The following CHRNB3 variants were observed in gnomAD, a reference collection of about 807,000 sequenced individuals.
CHRNB3 encodes the protein cholinergic receptor nicotinic beta 3 subunit.
In CHRNB3, 37 loss-of-function variants were observed where a neutral mutation model predicts 40.6. The ratio of observed to expected loss-of-function variants is 0.91; its 90% CI spans 0.70 to 1.20. The LOEUF (loss-of-function observed/expected upper bound fraction) is 1.20. Ranked by LOEUF, CHRNB3 falls within the 50% of genes most tolerant of loss-of-function variation. CHRNB3 has a pLI of 0.00. For missense variants in CHRNB3, 505 were observed against 551.2 expected, an observed-to-expected ratio of 0.92 and a Z score of 0.84; for synonymous variants, 207 against 207.1, an observed-to-expected ratio of 1.00 and a Z score of 0.00.
intron 3 of CHRNB3, among the ~76,000 whole-genome samples, chr8:42,712,935 C>T (rs536440726): frequency 1.2e-4 from 17 of 145,460 alleles, no homozygotes; most frequent in East Asian, 4.1e-4. Context: ...AATCTCAGCT[C>T]GCTGCAGCCT....
intron 1 of CHRNB3, among the ~76,000 whole-genome samples, chr8:42,708,189 G>A (rs144583836): frequency 0.014 from 2,180 of 152,266 alleles, 46 homozygotes; most frequent in African/African-American, 0.048. Flanking sequence ...ATTCTGGGCC[G>A]GGCGTGGTGG....
At chr8:42,723,663 A>G (rs1184742476) in intron 3 of CHRNB3, among the ~76,000 whole-genome samples, 1 of 152,156 alleles carries the variant, frequency 6.6e-6, no homozygotes, top group Non-Finnish European at 1.5e-5. Context: ...TAGTGGCTGC[A>G]TGGATGACCC....
At chr8:42,721,297 C>T (rs1816214111) in intron 3 of CHRNB3, among the ~76,000 whole-genome samples, 1 of 152,206 alleles carries the variant, frequency 6.6e-6, no homozygotes, top group Admixed American at 6.5e-5. Flanking sequence ...CAGCTTCATG[C>T]TGGGCCCCTG....
intron 1 of CHRNB3, among the ~76,000 whole-genome samples, chr8:42,707,868 C>A (rs566379438): frequency 1.3e-5 from 2 of 152,330 alleles, no homozygotes; most frequent in African/African-American, 2.4e-5. Context: ...AAAATGAACA[C>A]CCACTATGGG....
intron 3 of CHRNB3, among the ~76,000 whole-genome samples, chr8:42,711,433 C>T (rs1031894620): frequency 5.9e-5 from 9 of 151,824 alleles, no homozygotes; most frequent in Middle Eastern, 3.4e-3. Flanking sequence ...CTCATTCTGC[C>T]GCCCAGGCTG....
At chr8:42,707,827 T>A (rs1458369278) in intron 1 of CHRNB3, among the ~76,000 whole-genome samples, 1 of 152,228 alleles carries the variant, frequency 6.6e-6, no homozygotes, top group African/African-American at 2.4e-5. Context: ...TCAGTGACCA[T>A]GTGCCGACTC....
Position 42,697,509 on chromosome 8 carries a change from A to G in CHRNB3, c.-38A>G, listed in dbSNP as rs777229831. On this transcript the variant is annotated 5_prime_UTR_variant, in exon 1 of 6. An upstream open reading frame in the 5' UTR loses its in-frame stop. Coordinates refer to ENST00000289957, the MANE Select transcript of CHRNB3 (RefSeq NM_000749.5). ...TTTCCAGTGGAAATGCTCTGTTGTT[A>G]AAAAGGAAGAAACTGTCTTTCTGAA... The G allele has an allele frequency of 3.8e-6, 6 of 1,583,644 alleles. No homozygotes were observed. Among genetic ancestry groups the G allele is most frequent in the South Asian group, 1.1e-5 (1 of 90,166 alleles).
rs371389952 is a variant in CHRNB3, at chr8:42,709,172, T to G, written c.204+304T>G. On this transcript the variant is annotated intron_variant, in intron 2 of 5. Transcript: ENST00000289957. ...ACACCCAGGGAGGAGGGCTGGGAACTGCAGAGAAGAGGGGCTGAGCCTGGG... is the reference window on the plus strand; with the variant it reads ...ACACCCAGGGAGGAGGGCTGGGAACGGCAGAGAAGAGGGGCTGAGCCTGGG... 4.6e-5 allele frequency among the ~76,000 whole-genome samples: 7 copies of G among 152,212 alleles called. No homozygotes were observed. The South Asian group carries it at 1.5e-3, about 32-fold the overall frequency.
chr8:42,736,606 T>C lies in CHRNB3; in HGVS notation c.1365T>C (p.His455=). 1.2e-6 allele frequency: 2 copies of C among 1,614,208 alleles called. No individual in the cohort carries two copies. ...CCCCTGCTTTGAAGATGTGGCTACA[T>C]AGTTACCATTAGGAATTTAAAAGAC... The part of the protein sequence containing the change: ...IFTPALKMWL[H]SYH The change falls in exon 6 of 6, where the codon CAT becomes CAC. Residue 455 remains histidine (H), a synonymous_variant. Transcript: ENST00000289957.
chr8:42,702,308 CATTT>C (rs1815821930), intron 1 of CHRNB3, among the ~76,000 whole-genome samples: 1 of 152,022 alleles, frequency 6.6e-6, no homozygotes, highest in Admixed American at 6.6e-5. Context: ...TAGAAATAAA[CATTT>C]ATTTATTTAT....
intron 1 of CHRNB3, among the ~76,000 whole-genome samples, chr8:42,700,019 CTTTT>C (rs573615558): frequency 1.4e-4 from 20 of 140,904 alleles, no homozygotes; most frequent in Non-Finnish European, 3.1e-5. Context: ...AATTTCTTTT[CTTTT>C]TTTTTTTTGA....
At chr8:42,698,658 C>T (rs2128903710) in intron 1 of CHRNB3, among the ~76,000 whole-genome samples, 1 of 152,298 alleles carries the variant, frequency 6.6e-6, no homozygotes, top group South Asian at 2.1e-4. Flanking sequence ...TTTCAAATAT[C>T]ATGAAATTTG....
chr8:42,706,961 G>C (rs1815932365), intron 1 of CHRNB3, among the ~76,000 whole-genome samples: 1 of 151,904 alleles, frequency 6.6e-6, no homozygotes, highest in Non-Finnish European at 1.5e-5. Flanking sequence ...GTCTTCCTAT[G>C]TTGCCTAGGC....
At chr8:42,699,324 C>T (rs1815736121) in intron 1 of CHRNB3, 1 of 152,144 alleles carries the variant, frequency 6.6e-6, no homozygotes, top group African/African-American at 2.4e-5. Context: ...TATTTATCTT[C>T]CCATCTCTCT....
intron 1 of CHRNB3, among the ~76,000 whole-genome samples, chr8:42,698,644 T>G (rs1432636093): frequency 6.6e-6 from 1 of 152,208 alleles, no homozygotes; most frequent in Non-Finnish European, 1.5e-5. Flanking sequence ...AGCCTCAAAC[T>G]CACTTTCAAA....
At chr8:42,721,722 CAAACA>C (rs71231864) in intron 3 of CHRNB3, 121,108 of 148,704 alleles carry the variant, frequency 0.81, 49,986 homozygotes, top group Non-Finnish European at 0.88. Flanking sequence ...GACTCTGTCT[CAAACA>C]AAACAAAACA....
intron 5 of CHRNB3, 84 bp from the exon 6 acceptor site, chr8:42,736,399 AT>A (rs1816523466): frequency 6.7e-7 from 1 of 1,485,352 alleles, no homozygotes. Flanking sequence ...ATAAATCTGA[AT>A]GTTACTCTTT....
intron 1 of CHRNB3, among the ~76,000 whole-genome samples, chr8:42,700,091 G>A (rs1815758629): frequency 6.7e-6 from 1 of 149,288 alleles, no homozygotes; most frequent in African/African-American, 2.5e-5. Flanking sequence ...TCTGCTCACT[G>A]CAAGCTCCGC....
At chr8:42,709,800 T>C (rs1815981948) in intron 2 of CHRNB3, among the ~76,000 whole-genome samples, 2 of 152,084 alleles carry the variant, frequency 1.3e-5, no homozygotes, top group Non-Finnish European at 2.9e-5. Flanking sequence ...CCCAGCTAAT[T>C]TTTGTATTTT....
Sources: allele counts gnomAD v4.1 joint callset (sites outside exome capture counted in the v4.1 genomes callset), GRCh38; gene constraint gnomAD v4.1.1; transcripts MANE v1.5; gene names NCBI Gene and HGNC (gene_info 2026-07-23, HGNC 2026-07-21).